Variants in DHCR7 observed in about 807,000 individuals in gnomAD.
DHCR7 encodes 7-dehydrocholesterol reductase.
DHCR7 carries 40 observed loss-of-function variants against 43.3 expected under a neutral mutation model. The ratio of observed to expected loss-of-function variants is 0.92; its 90% CI spans 0.72 to 1.20. The LOEUF (loss-of-function observed/expected upper bound fraction) is 1.20. DHCR7 is among the 50% of genes most tolerant of loss of function. The probability of loss-of-function intolerance (pLI) is 0.00; values close to 1 mark genes in which losing one functional copy is unlikely to be tolerated. For synonymous variants in DHCR7, 298 were observed against 271.4 expected, an observed-to-expected ratio of 1.10 and a Z score of -0.96; for missense variants, 608 against 644.6, an observed-to-expected ratio of 0.94 and a Z score of 0.62.
chr11:71,437,546 C>T (rs1949297593), intron 8 of DHCR7, among the ~76,000 whole-genome samples: 1 of 152,204 alleles, frequency 6.6e-6, no homozygotes, highest in South Asian at 2.1e-4. Flanking sequence ...CCTGCCAGTG[C>T]CCGCACTGAC....
chr11:71,444,040 T>C lies in DHCR7; in HGVS notation c.274A>G (p.Ile92Val). The change falls in exon 4 of 9, where the codon ATA (isoleucine) becomes GTA (valine). Residue 92 changes from isoleucine (I) to valine (V), a missense_variant. By Grantham distance (29) the Ile-to-Val change is conservative. Transcript: ENST00000355527. The part of the protein sequence containing the change: ...LSDIWAKTPP[I>V]TRKAAQLYTL... ...TAGAGCTGGGCGGCTTTCCTCGTTA[T>C]AGGTGGAGTCTTGGCCCAGATGTCC... 6.2e-7 allele frequency: 1 copy of C among 1,613,682 alleles called. No homozygotes were observed. Among genetic ancestry groups the C allele is most frequent in the South Asian group, 1.1e-5 (1 of 90,988 alleles).
chr11:71,428,782 G>A (rs1278533221), exon 3 of DHCR7: 5 of 454,808 alleles, frequency 1.1e-5, no homozygotes, highest in Non-Finnish European at 2.2e-5. Flanking sequence ...CCTCCCCAGG[G>A]TCATCTCCAA....
At chr11:71,441,574 C>G in intron 5 of DHCR7, 134 bp from the exon 6 acceptor site, 1 of 765,308 alleles carries the variant, frequency 1.3e-6, no homozygotes, top group Non-Finnish European at 2.3e-6. Flanking sequence ...ATCTGGGGCC[C>G]CAGGAACCAT....
chr11:71,442,450 T>C (rs891667774), intron 4 of DHCR7, 97 bp from the exon 5 acceptor site: 2 of 922,568 alleles, frequency 2.2e-6, no homozygotes, highest in Non-Finnish European at 3.5e-6. Flanking sequence ...ATAGTCTTTT[T>C]CTTCCTGAAG....
chr11:71,427,314 T>C (rs970018974), downstream of DHCR7, among the ~76,000 whole-genome samples: 1 of 152,224 alleles, frequency 6.6e-6, no homozygotes, highest in African/African-American at 2.4e-5. Context: ...TTTATTTATT[T>C]AGCTCTTCTT....
In DHCR7 at chr11:71,435,294, T is replaced by TG; in HGVS notation, c.*80dup. 1 of 1,457,208 alleles carries TG rather than the reference T, an allele frequency of 6.9e-7. No individual in the cohort carries two copies. Among genetic ancestry groups the TG allele is most frequent in the Non-Finnish European group, 9.5e-7 (1 of 1,048,558 alleles). The allele number at this position is 1,457,208 out of a possible 1,614,324, so 90.3% of individuals were successfully genotyped here. ...ATGAGGAAACTGAGGCTCCTCGAGT[T>TG]GGAGCTGGGATGCCAGCCCCCATGG... On this transcript the variant is annotated 3_prime_UTR_variant, in exon 9 of 9. Coordinates refer to ENST00000355527, the MANE Select transcript of DHCR7 (RefSeq NM_001360.3).
In DHCR7 at chr11:71,441,407, T is replaced by G; in HGVS notation, c.446A>C (p.Gln149Pro). ...GAGCAGGTGCGTGAGGAGCCAGGCT[T>G]GCAGGCCATTGATCTGATACTTGTT... ...VVNKYQINGL[Q>P]AWLLTHLLWF... Residue 149 changes from glutamine (Q) to proline (P), a missense_variant, in exon 6 of 9, where the codon CAA (glutamine) becomes CCA (proline). Transcript: ENST00000355527. 1 of 1,613,996 alleles carries G rather than the reference T, an allele frequency of 6.2e-7. No homozygotes were observed. The highest frequency in any genetic ancestry group is 1.1e-5 in the South Asian group (1 of 91,056).
rs761732160 is a variant in DHCR7 at position 71,438,959 on chromosome 11, T to C, written c.751A>G (p.Ile251Val). The C allele has an allele frequency of 2.5e-6, 4 of 1,614,002 alleles. No homozygotes were observed. The highest frequency in any genetic ancestry group is 3.4e-6 in the Non-Finnish European group (4 of 1,180,032). Residue 251 changes from isoleucine (I) to valine (V), a missense_variant, in exon 7 of 9, where the codon ATC becomes GTC. By Grantham distance (29) the Ile-to-Val change is conservative. Transcript: ENST00000355527. ...TGCTTCGCTGCGAAGGACAGGTTGA[T>C]GAGGGTCCAGGCGACGATCCCGGGG... ...GRPGIVAWTL[I>V]NLSFAAKQRE...
chr11:71,428,354 C>T (rs1949211051), exon 3 of DHCR7: 1 of 152,228 alleles, frequency 6.6e-6, no homozygotes, highest in South Asian at 2.1e-4. Flanking sequence ...GTCCTTTTTT[C>T]TCCATCTATT....
At chr11:71,431,773 A>G (rs1949229307), downstream of DHCR7, among the ~76,000 whole-genome samples, 1 of 152,238 alleles carries the variant, frequency 6.6e-6, no homozygotes, top group African/African-American at 2.4e-5. Flanking sequence ...TATGAATAGC[A>G]TTAATGTTTA....
chr11:71,432,120 C>T (rs1949231266), downstream of DHCR7, among the ~76,000 whole-genome samples: 1 of 152,210 alleles, frequency 6.6e-6, no homozygotes, highest in Non-Finnish European at 1.5e-5. Context: ...GCCACTGCGC[C>T]CAGCAGAAAA....
At chr11:71,447,417 C>T (rs1004401629) in intron 2 of DHCR7, among the ~76,000 whole-genome samples, 193 bp downstream of exon 2, 1 of 152,242 alleles carries the variant, frequency 6.6e-6, no homozygotes. Context: ...GTGCAATAAA[C>T]ATCTAAGTAA....
chr11:71,436,008 T>C (rs763435840), intron 8 of DHCR7, 169 bp from the exon 9 acceptor site: 31 of 650,352 alleles, frequency 4.8e-5, no homozygotes, highest in Non-Finnish European at 7.8e-5. Flanking sequence ...AGGGCTGTTG[T>C]GGTCATTAAA....
intron 4 of DHCR7, among the ~76,000 whole-genome samples, chr11:71,443,393 T>G (rs966677391): frequency 6.6e-6 from 1 of 152,272 alleles, no homozygotes; most frequent in East Asian, 1.9e-4. Flanking sequence ...CCTGTCTCTT[T>G]CTAGCACCGT....
Position 71,442,288 on chromosome 11 carries a change from G to C in DHCR7, c.387C>G (p.Ile129Met). 5 of 1,613,680 alleles carry C rather than the reference G, an allele frequency of 3.1e-6. No homozygotes were observed. Among genetic ancestry groups the C allele is most frequent in the Non-Finnish European group, 4.2e-6 (5 of 1,179,820 alleles). The change falls in exon 5 of 9, where the codon ATC becomes ATG. Residue 129 changes from isoleucine (I) to methionine (M), a missense_variant. Coordinates refer to ENST00000355527, the MANE Select transcript of DHCR7 (RefSeq NM_001360.3). ...HKFLPGYVGG[I>M]QEGAVTPAGV... ...CTGCAGGAGTCACGGCCCCCTCCTG[G>C]ATGCCTCCTACGTAGCCGGGTAGAA... is the stretch of plus-strand genomic sequence containing the variant.
Position 71,434,838 on chromosome 11 carries a change from T to C in DHCR7, c.*537A>G. On this transcript the variant is annotated 3_prime_UTR_variant, in exon 9 of 9. Coordinates refer to ENST00000355527, the MANE Select transcript of DHCR7 (RefSeq NM_001360.3). ...CATGAAAGCCCCTTTCTCCCCAGTGTCCCAGTTCAACACCGTGCACGCTAC... is the reference window on the plus strand; with the variant it reads ...CATGAAAGCCCCTTTCTCCCCAGTGCCCCAGTTCAACACCGTGCACGCTAC... 1 of 326,130 alleles carries C rather than the reference T, an allele frequency of 3.1e-6. No homozygotes were observed. The highest frequency in any genetic ancestry group is 6.0e-6 in the Non-Finnish European group (1 of 166,042). The allele number at this position is 326,130 out of a possible 1,614,324, so 20.2% of individuals were successfully genotyped here.
downstream of DHCR7, among the ~76,000 whole-genome samples, chr11:71,432,743 T>G (rs944853266): frequency 5.3e-5 from 8 of 152,178 alleles, no homozygotes; most frequent in African/African-American, 1.9e-4. Context: ...CTCTACCAGT[T>G]GCTAGTTCTG....
intron 4 of DHCR7, 159 bp downstream of exon 4, chr11:71,443,834 C>A (rs917065543): frequency 9.8e-6 from 6 of 613,366 alleles, no homozygotes; most frequent in African/African-American, 5.5e-5. Context: ...GAGGATGAAT[C>A]TGAACATGTC....
downstream of DHCR7, among the ~76,000 whole-genome samples, chr11:71,427,421 A>C (rs568289984): frequency 5.9e-5 from 9 of 152,370 alleles, no homozygotes; most frequent in East Asian, 1.7e-3. Flanking sequence ...TTTTCAACAC[A>C]GTAAATGTTA....
Sources: allele counts gnomAD v4.1 joint callset (sites outside exome capture counted in the v4.1 genomes callset), GRCh38; gene constraint gnomAD v4.1.1; transcripts MANE v1.5; gene names NCBI Gene and HGNC (gene_info 2026-07-23, HGNC 2026-07-21).